The following C1S variants were observed in gnomAD, a reference collection of about 807,000 sequenced individuals.
C1S encodes complement C1s subcomponent.
C1S carries 31 observed loss-of-function variants against 54.0 expected under a neutral mutation model. The ratio of observed to expected loss-of-function variants is 0.57; its 90% confidence interval spans 0.43 to 0.78. The LOEUF (loss-of-function observed/expected upper bound fraction) is 0.78. Among genes scored for constraint, C1S ranks in the 30% least tolerant of loss-of-function variants. C1S has a pLI of 0.00. For synonymous variants in C1S, 292 were observed against 303.6 expected (o/e 0.96, Z 0.40); for missense variants, 727 against 851.8 (o/e 0.85, Z 1.82).
Position 7,069,958 on chromosome 12 carries a change from A to G in C1S, c.1374A>G (p.Pro458=), listed in dbSNP as rs782196110. 7.7e-5 allele frequency: 124 copies of G among 1,614,032 alleles called. No individual in the cohort carries two copies. The highest frequency in any genetic ancestry group is 9.9e-5 in the Non-Finnish European group (117 of 1,180,042). Residue 458 remains proline, a synonymous_variant, in exon 12 of 12, where the codon CCA becomes CCG. Coordinates refer to ENST00000360817, the MANE Select transcript of C1S (RefSeq NM_001734.5). Reference sequence around the variant, plus strand: ...CCTGGCAAGTCTTCTTTGACAACCCATGGGCTGGTGGAGCGCTCATTAATG... The same window carrying G: ...CCTGGCAAGTCTTCTTTGACAACCCGTGGGCTGGTGGAGCGCTCATTAATG... ...NFPWQVFFDN[P]WAGGALINEY...
At chr12:7,062,856 T>A (rs782523824) in intron 3 of C1S, 34 bp from the exon 4 acceptor site, 1 of 1,609,152 alleles carries the variant, frequency 6.2e-7, no homozygotes, top group Non-Finnish European at 8.5e-7. Context: ...ATATTACCCT[T>A]TCCTAGATTT....
In C1S at chr12:7,070,088, A is replaced by G; in HGVS notation, c.1504A>G (p.Met502Val). Residue 502 changes from methionine (M) to valine (V), a missense_variant, in exon 12 of 12, where the codon ATG becomes GTG. Coordinates refer to ENST00000360817, the MANE Select transcript of C1S (RefSeq NM_001734.5). The surrounding 1 kb of genome is among the most constrained non-coding windows in gnomAD (Gnocchi z 4.9). ...GACCTCACGGCTGGCAAAATCCAAGATGCTCACTCCTGAGCATGTGTTTAT... is the reference window on the plus strand; with the variant it reads ...GACCTCACGGCTGGCAAAATCCAAGGTGCTCACTCCTGAGCATGTGTTTAT... ...VQTSRLAKSK[M>V]LTPEHVFIHP... 1.2e-6 allele frequency: 2 copies of G among 1,614,104 alleles called. No individual in the cohort carries two copies. Among genetic ancestry groups the G allele is most frequent in the South Asian group, 2.2e-5 (2 of 91,072 alleles).
chr12:7,065,739 T>C, intron 6 of C1S, 78 bp from the exon 7 acceptor site: 2 of 1,203,916 alleles, frequency 1.7e-6, no homozygotes, highest in Non-Finnish European at 2.5e-6. Flanking sequence ...AATGCCTCTT[T>C]TATTTGTATC....
intron 4 of C1S, 94 bp downstream of exon 4, chr12:7,063,161 T>C (rs1947122604): frequency 8.2e-7 from 1 of 1,217,034 alleles, no homozygotes; most frequent in Non-Finnish European, 1.2e-6. Flanking sequence ...AGGATTCTGT[T>C]CGTAATTCTT....
At position 7,070,689 on chromosome 12, in the gene C1S, C is replaced by T. The variant is rs782605827; in HGVS notation, c.*38C>T. 6.9e-7 allele frequency: 1 copy of T among 1,450,642 alleles called. No individual in the cohort carries two copies. The highest frequency in any genetic ancestry group is 9.7e-7 in the Non-Finnish European group (1 of 1,032,374). The allele number at this position is 1,450,642 out of a possible 1,614,324, so 89.9% of individuals were successfully genotyped here. A position where few individuals can be genotyped will look rare whatever the true frequency, so the allele number is the denominator to read the frequency against. On this transcript the variant is annotated 3_prime_UTR_variant, in exon 12 of 12. Transcript: ENST00000360817. The surrounding 1 kb of genome is among the most constrained non-coding windows in gnomAD (Gnocchi z 4.9). ...CCACCAGCCTCTCCAAGGGTGGTGA[C>T]CAATGCATTACCTTCTGTTCCTTAT...
intron 11 of C1S, 69 bp from the exon 12 acceptor site, chr12:7,069,786 G>A: frequency 7.8e-7 from 1 of 1,284,304 alleles, no homozygotes; most frequent in Non-Finnish European, 1.1e-6. Flanking sequence ...TTATGTGAGT[G>A]GTTGGAGGAT....
chr12:7,067,914 G>A (rs782438004), intron 10 of C1S, 143 bp downstream of exon 10: 2 of 915,804 alleles, frequency 2.2e-6, no homozygotes, highest in African/African-American at 3.3e-5. Context: ...TTCGTCCAAA[G>A]ATACAGTTTT....
In C1S at chr12:7,063,038, C is replaced by A. The variant is rs782226018; in HGVS notation, c.362C>A (p.Thr121Lys). The change falls in exon 4 of 12, where the codon ACG becomes AAG. Residue 121 changes from threonine to lysine, a missense_variant. Thr to Lys is a moderately conservative substitution (Grantham distance 78). Around this residue, in one of 3 missense-constraint regions of C1S, gnomAD observed 357 missense variants for 365.4 expected, o/e 0.98. Coordinates refer to ENST00000360817, the MANE Select transcript of C1S (RefSeq NM_001734.5). ...KSDFSNEERF[T>K]GFAAYYVATD... ...GACTTTTCCAATGAAGAGCGTTTTA[C>A]GGGGTTTGCTGCATACTATGTTGCC... 6.2e-7 allele frequency: 1 copy of A among 1,613,728 alleles called. No homozygotes were observed. The highest frequency in any genetic ancestry group is 1.3e-5 in the African/African-American group (1 of 74,916).
At chr12:7,066,732 A>G in intron 8 of C1S, 99 bp downstream of exon 8, 1 of 783,788 alleles carries the variant, frequency 1.3e-6, no homozygotes, top group Admixed American at 1.9e-5. Context: ...TGTGTGATCA[A>G]GGTATAACAC....
Position 7,065,297 on chromosome 12 carries a change from G to A in C1S, c.715G>A (p.Val239Ile). 1 of 1,610,582 alleles carries A rather than the reference G, an allele frequency of 6.2e-7. No homozygotes were observed. The highest frequency in any genetic ancestry group is 1.1e-5 in the South Asian group (1 of 90,988). The part of the protein sequence containing the change: ...DSAGNCLDSL[V>I]FVAGDRQFGP... The stretch of plus-strand genomic sequence containing the variant: ...AGCGGGAAACTGCCTTGACAGTTTA[G>A]TTGTGCGTGATGGTTGATTAATACC... Residue 239 changes from valine to isoleucine, a missense_variant and splice_region_variant, in exon 6 of 12, where the codon GTT becomes ATT. This residue lies in a region of C1S where 357 missense variants were observed against 365.4 expected (regional missense o/e 0.98). Transcript: ENST00000360817.
chr12:7,061,867 A>G lies in C1S; in HGVS notation c.-46A>G. On this transcript the variant is annotated 5_prime_UTR_variant, in exon 2 of 12. Transcript: ENST00000360817. Reference sequence around the variant, plus strand: ...CCAAAGTCCGGAGGTGCAGAAAGCCAGGACCAAGAGACAGGCAGCTCACCA... The same window carrying G: ...CCAAAGTCCGGAGGTGCAGAAAGCCGGGACCAAGAGACAGGCAGCTCACCA... 6.2e-7 allele frequency: 1 copy of G among 1,613,478 alleles called. No homozygotes were observed. Among genetic ancestry groups the G allele is most frequent in the Non-Finnish European group, 8.5e-7 (1 of 1,179,460 alleles).
intron 10 of C1S, 124 bp downstream of exon 10, chr12:7,067,895 C>A: frequency 9.5e-7 from 1 of 1,056,598 alleles, no homozygotes; most frequent in Non-Finnish European, 1.4e-6. Flanking sequence ...CATTGTTCAT[C>A]CCCTTGGCTT....
chr12:7,061,579 A>C, intron 1 of C1S: 1 of 418,678 alleles, frequency 2.4e-6, no homozygotes, highest in East Asian at 5.1e-5. Context: ...ACTGGGAGAA[A>C]GTACTCGATT....
In C1S at chr12:7,070,382, GT is replaced by G; in HGVS notation, c.1799del (p.Val600GlyfsTer17). 6.2e-7 allele frequency: 1 copy of G among 1,614,274 alleles called. No homozygotes were observed. Among genetic ancestry groups the G allele is most frequent in the South Asian group, 1.1e-5 (1 of 91,090 alleles). On this transcript the variant is annotated frameshift_variant, in exon 12 of 12. Transcript: ENST00000360817. LOFTEE classifies it low-confidence loss of function (END_TRUNC). This position sits in a 1 kb window ranked among gnomAD's most constrained non-coding sequence, Gnocchi z 4.9. ...TTTAAGAAAATGCAAAGAAGTGAAA[GT>G]GGAGAAACCCACAGCAGATGCAGAG... ...APLRKCKEVK[V>X]EKPTADAEAY...
Position 7,062,943 on chromosome 12 carries a change from C to T in C1S, c.267C>T (p.Asn89=), listed in dbSNP as rs1555161479. ...GGCTCTGTGGACAGAGGAGCAGTAA[C>T]AATCCCCACTCTCCAATTGTGGAAG... ...EGRLCGQRSS[N]NPHSPIVEEF... Residue 89 remains asparagine (N), a synonymous_variant, in exon 4 of 12, where the codon AAC becomes AAT. Transcript: ENST00000360817. 2 of 1,614,006 alleles carry T rather than the reference C, an allele frequency of 1.2e-6. No individual in the cohort carries two copies. The highest frequency in any genetic ancestry group is 1.7e-6 in the Non-Finnish European group (2 of 1,179,956).
chr12:7,066,811 C>T, intron 8 of C1S, 178 bp downstream of exon 8: 1 of 707,032 alleles, frequency 1.4e-6, no homozygotes, highest in Non-Finnish European at 2.6e-6. Context: ...GCCTGGCCAG[C>T]TTGGCATTCT....
intron 4 of C1S, chr12:7,063,971 T>A: frequency 2.0e-6 from 1 of 493,048 alleles, no homozygotes; most frequent in Non-Finnish European, 4.0e-6. Flanking sequence ...AATGTGGAGG[T>A]TGCAGTGAGC....
intron 5 of C1S, 99 bp from the exon 6 acceptor site, chr12:7,065,001 C>T: frequency 9.7e-7 from 1 of 1,035,456 alleles, no homozygotes; most frequent in Non-Finnish European, 1.5e-6. Context: ...AGTTTGAATG[C>T]AGGACTGTCA....
At chr12:7,063,984 A>G (rs1308145271) in intron 4 of C1S, 40 of 511,016 alleles carry the variant, frequency 7.8e-5, no homozygotes, top group Admixed American at 3.8e-4. Flanking sequence ...CAGTGAGCCA[A>G]GATCCCACCA....
Sources: gnomAD v4.1 joint callset for allele counts on GRCh38, gnomAD v4.1.1 for gene constraint, gnomAD v4.1.1 regional missense constraint, Gnocchi (gnomAD v3.1) non-coding constraint, MANE v1.5 for transcripts, NCBI Gene and HGNC (gene_info 2026-07-23, HGNC 2026-07-21) for gene names.